Variants in HEG1 observed in about 807,000 individuals in gnomAD.
HEG1 encodes the protein heart development protein with EGF like domains 1, also known as protein HEG homolog 1.
HEG1 carries 56 observed loss-of-function variants against 125.6 expected under a neutral mutation model. That is an observed-to-expected ratio of 0.45 (90% confidence interval 0.36 to 0.56). HEG1 has a LOEUF of 0.56. Among genes scored for constraint, HEG1 ranks in the 20% least tolerant of loss-of-function variants. The pLI is 0.00. For synonymous variants in HEG1, 644 were observed against 668.5 expected (o/e 0.96, Z 0.57); for missense variants, 1,523 against 1,670.0 (o/e 0.91, Z 1.53).
intron 14 of HEG1, among the ~76,000 whole-genome samples, chr3:124,981,980 G>T (rs186870620): frequency 6.6e-6 from 1 of 151,670 alleles, no homozygotes. Flanking sequence ...TTGGCTCACT[G>T]CAACCTCTGC....
intron 1 of HEG1, among the ~76,000 whole-genome samples, chr3:125,036,550 A>T (rs1937549172): frequency 6.6e-6 from 1 of 152,218 alleles, no homozygotes. Flanking sequence ...AAGTTGAATG[A>T]CAAACAAGGG....
chr3:124,975,646 C>A (rs1936522155), intron 15 of HEG1, among the ~76,000 whole-genome samples: 1 of 152,174 alleles, frequency 6.6e-6, no homozygotes. Flanking sequence ...CAAGAAGAAA[C>A]CCCATACCCC....
chr3:125,015,092 G>T, intron 5 of HEG1: 1 of 998,310 alleles, frequency 1.0e-6, no homozygotes, highest in African/African-American at 1.7e-5. Context: ...CACTTCCTGG[G>T]CTGTGGGAGC....
At chr3:125,048,397 C>T (rs374570013) in intron 1 of HEG1, among the ~76,000 whole-genome samples, 1 of 152,352 alleles carries the variant, frequency 6.6e-6, no homozygotes, top group South Asian at 2.1e-4. Flanking sequence ...GATCCAGACA[C>T]CCTGGCCTTC....
At chr3:124,985,855 G>A (rs1936729634) in intron 14 of HEG1, among the ~76,000 whole-genome samples, 1 of 152,200 alleles carries the variant, frequency 6.6e-6, no homozygotes, top group Non-Finnish European at 1.5e-5. Flanking sequence ...TCGGCTTACT[G>A]TAGCCTCTGC....
In HEG1 at chr3:124,977,850, A is replaced by G. The variant is rs1285851330; in HGVS notation, c.3821+9T>C. On this transcript the variant is annotated intron_variant, in intron 15 of 16. Coordinates refer to ENST00000311127, the MANE Select transcript of HEG1 (RefSeq NM_020733.2). ...GAACGGGATTGGAACCTGAACTCTC[A>G]TCACTTACCTGCAACAGGTAACAAT... 6.4e-6 allele frequency: 10 copies of G among 1,550,930 alleles called. No individual in the cohort carries two copies. The highest frequency in any genetic ancestry group is 7.0e-6 in the Non-Finnish European group (8 of 1,143,608).
chr3:125,055,980 C>T lies in HEG1; in HGVS notation c.-90G>A. ...GCGGGCGGCGGGGGCCGCGCGGGGC[C>T]GGGGAAGTGAGCGGAGTGAGGCTGC... On this transcript the variant is annotated 5_prime_UTR_variant, in exon 1 of 17. Transcript: ENST00000311127. 1 of 671,170 alleles carries T rather than the reference C, an allele frequency of 1.5e-6. No individual in the cohort carries two copies. The highest frequency in any genetic ancestry group is 1.8e-6 in the Non-Finnish European group (1 of 545,294). 41.6% of individuals were successfully genotyped at this position (671,170 alleles called of 1,614,324 possible). A position where few individuals can be genotyped will look rare whatever the true frequency, so the allele number is the denominator to read the frequency against.
chr3:125,021,013 C>T lies in HEG1; in HGVS notation c.1031G>A (p.Arg344Gln), dbSNP rs773314696. ...VFTDGGPRTL[R>Q]SLTVSLGPVS... ...AGGTCCCAGACTGACCGTCAAAGAT[C>T]GCAGCGTTCTCGGGCCACCATCAGT... Residue 344 changes from arginine (R) to glutamine (Q), a missense_variant, in exon 4 of 17, where the codon CGA (arginine) becomes CAA (glutamine). Coordinates refer to ENST00000311127, the MANE Select transcript of HEG1 (RefSeq NM_020733.2). 2 of 1,613,712 alleles carry T rather than the reference C, an allele frequency of 1.2e-6. No homozygotes were observed. Among genetic ancestry groups the T allele is most frequent in the East Asian group, 4.5e-5 (2 of 44,874 alleles).
At chr3:124,990,299 A>G (rs1936811032) in intron 14 of HEG1, among the ~76,000 whole-genome samples, 1 of 151,046 alleles carries the variant, frequency 6.6e-6, no homozygotes, top group Middle Eastern at 3.5e-3. Context: ...GAACAGTACC[A>G]GTCAAGTCTT....
rs187564765 is a variant in HEG1 at position 125,038,332 on chromosome 3, C to T, written c.317-8844G>A. Among the ~76,000 whole-genome samples the T allele has an allele frequency of 2.8e-3, 419 of 152,346 alleles. 2 individuals are homozygous for T. Among genetic ancestry groups the T allele is most frequent in the African/African-American group, 9.3e-3 (386 of 41,564 alleles). On this transcript the variant is annotated intron_variant, in intron 1 of 16. Coordinates refer to ENST00000311127, the MANE Select transcript of HEG1 (RefSeq NM_020733.2). The stretch of plus-strand genomic sequence containing the variant: ...CGCACAGCGTGAGACCTGGGACCAC[C>T]TCCAGCACAGCAAGCTCTTGAAGTC...
intron 1 of HEG1, among the ~76,000 whole-genome samples, chr3:125,053,212 G>A (rs931425665): frequency 3.9e-4 from 60 of 152,324 alleles, no homozygotes; most frequent in African/African-American, 1.4e-3. Flanking sequence ...AGGACCTGTG[G>A]AGGCCCTCTC....
rs764487140 is a variant in HEG1 at position 125,027,357 on chromosome 3, G to C, written c.761C>G (p.Thr254Ser). ...EEWTVHSQEA[T>S]TSAWSPSFLP... is the part of the protein sequence containing the mutation. ...AAAGGACGGGCTCCAAGCCGAAGTG[G>C]TGGCCTCTTGGCTGTGCACAGTCCA... Residue 254 changes from threonine to serine, a missense_variant, in exon 3 of 17, where the codon ACC becomes AGC. Thr to Ser is a moderately conservative substitution (Grantham distance 58, BLOSUM62 1). Coordinates refer to ENST00000311127, the MANE Select transcript of HEG1 (RefSeq NM_020733.2). The C allele has an allele frequency of 6.2e-7, 1 of 1,613,886 alleles. No homozygotes were observed. The highest frequency in any genetic ancestry group is 8.5e-7 in the Non-Finnish European group (1 of 1,179,896).
chr3:125,015,174 T>C (rs1000272629), intron 5 of HEG1, among the ~76,000 whole-genome samples: 3 of 152,234 alleles, frequency 2.0e-5, no homozygotes, highest in South Asian at 2.1e-4. Context: ...GGCTCAGTGA[T>C]TGAAACCTCA....
chr3:125,010,421 C>T lies in HEG1; in HGVS notation c.3073+18G>A, dbSNP rs143413225. On this transcript the variant is annotated intron_variant, in intron 7 of 16. Transcript: ENST00000311127. ...TGGTACTGTGGTGCAGACCACTGGG[C>T]GTTACTTTTTCTCTTACCCACACTG... 1.4e-4 allele frequency: 208 copies of T among 1,491,088 alleles called. No individual in the cohort carries two copies. The African/African-American group carries it at 1.8e-3, about 13-fold the overall frequency. 92.4% of individuals were successfully genotyped at this position (1,491,088 alleles called of 1,614,324 possible).
intron 5 of HEG1, among the ~76,000 whole-genome samples, chr3:125,015,255 T>C (rs1018073198): frequency 6.6e-6 from 1 of 152,166 alleles, no homozygotes; most frequent in African/African-American, 2.4e-5. Flanking sequence ...CTTTAGCAAA[T>C]AGGATCGATA....
At chr3:124,981,076 T>C (rs1331607619) in intron 14 of HEG1, among the ~76,000 whole-genome samples, 1 of 151,812 alleles carries the variant, frequency 6.6e-6, no homozygotes, top group Non-Finnish European at 1.5e-5. Flanking sequence ...TGGCCCCAAG[T>C]GGTCCTCTCA....
At chr3:125,039,833 G>A (rs1417990310) in intron 1 of HEG1, among the ~76,000 whole-genome samples, 24 of 36,452 alleles carry the variant, frequency 6.6e-4, no homozygotes, top group Non-Finnish European at 1.2e-3. Flanking sequence ...AAAGAACAGA[G>A]CCAAAAAAAA....
Position 125,011,926 on chromosome 3 carries a change from C to G in HEG1, c.2956+697G>C, listed in dbSNP as rs544041159. Among the ~76,000 whole-genome samples the G allele has an allele frequency of 7.2e-5, 11 of 152,256 alleles. No individual in the cohort carries two copies. The East Asian group carries it at 2.1e-3, about 29-fold the overall frequency. ...AGGATCATTTGGCTGGCTTTACTTT[C>G]CTGGTACCAGCAACTTCAACGTGGC... On this transcript the variant is annotated intron_variant, in intron 6 of 16. Transcript: ENST00000311127.
At position 125,055,919 on chromosome 3, in the gene HEG1, C is replaced by T; in HGVS notation, c.-29G>A. Reference sequence around the variant, plus strand: ...GACGGCGCCCGCCCGCGCTCACATGCCCGGCGCGCGGGGCGAGGGCAGCGG... The same window carrying T: ...GACGGCGCCCGCCCGCGCTCACATGTCCGGCGCGCGGGGCGAGGGCAGCGG... On this transcript the variant is annotated 5_prime_UTR_variant, in exon 1 of 17. Coordinates refer to ENST00000311127, the MANE Select transcript of HEG1 (RefSeq NM_020733.2). 3.1e-6 allele frequency: 3 copies of T among 967,984 alleles called. No individual in the cohort carries two copies. The highest frequency in any genetic ancestry group is 2.4e-6 in the Non-Finnish European group (2 of 821,106). 60.0% of individuals were successfully genotyped at this position (967,984 alleles called of 1,614,324 possible).
Sources: gnomAD v4.1 joint callset for allele counts (sites outside exome capture counted in the v4.1 genomes callset) on GRCh38, gnomAD v4.1.1 for gene constraint, MANE v1.5 for transcripts, NCBI Gene and HGNC (gene_info 2026-07-23, HGNC 2026-07-21) for gene names.